CASK: variants seen among roughly 807,000 people sequenced by gnomAD.
The protein encoded by CASK is calcium/calmodulin dependent serine protein kinase.
Under a neutral mutation model 82.9 loss-of-function variants are expected in CASK, and 4 were observed. The observed-to-expected ratio is 0.05, with a 90% CI of 0.02 to 0.11. The LOEUF (loss-of-function observed/expected upper bound fraction) is 0.11, where lower values mean the gene tolerates loss of function less well. Among genes scored for constraint, CASK ranks in the 10% least tolerant of loss-of-function variants. The pLI is 1.00. For missense variants in CASK, 358 were observed against 720.9 expected, an observed-to-expected ratio of 0.50 and a Z score of 5.76; for synonymous variants, 259 against 253.5, an observed-to-expected ratio of 1.02 and a Z score of -0.20.
At chrX:41,843,838 T>C (rs2071095952) in intron 2 of CASK, among the ~76,000 whole-genome samples, 1 of 111,706 alleles carries the variant, frequency 9.0e-6, no homozygotes, top group Non-Finnish European at 1.9e-5. Flanking sequence ...GATTCATTCA[T>C]GTTGTAGCTT....
intron 5 of CASK, chrX:41,724,216 A>G (rs1390271841): frequency 8.9e-6 from 1 of 112,940 alleles, no homozygotes; most frequent in Non-Finnish European, 1.9e-5. Flanking sequence ...TGAAGATCAG[A>G]GAATTTTAAG....
At chrX:41,787,343 T>G (rs2069628379) in intron 2 of CASK, 60 bp from the exon 3 acceptor site, 1 of 661,646 alleles carries the variant, frequency 1.5e-6, no homozygotes, top group Non-Finnish European at 2.5e-6. Flanking sequence ...TTAGAGTGAA[T>G]GATGAATGAA....
intron 9 of CASK, among the ~76,000 whole-genome samples, chrX:41,632,113 G>A (rs938222153): frequency 4.5e-5 from 5 of 110,769 alleles, no homozygotes; most frequent in Non-Finnish European, 9.4e-5. Context: ...TATTTTTGTA[G>A]AGCCGGGGTC....
At chrX:41,526,130 T>C (rs761715277) in intron 25 of CASK, among the ~76,000 whole-genome samples, 5 of 112,000 alleles carry the variant, frequency 4.5e-5, no homozygotes, top group Admixed American at 3.8e-4. Flanking sequence ...CTTAGAAATA[T>C]CCTTTATGTC....
intron 4 of CASK, among the ~76,000 whole-genome samples, chrX:41,742,759 C>T (rs1169268225): frequency 2.7e-5 from 3 of 111,815 alleles, no homozygotes; most frequent in Non-Finnish European, 3.8e-5. Flanking sequence ...AGAATCTACG[C>T]GCCCTTGTTG....
At chrX:41,739,567 C>T in intron 4 of CASK, 111 bp from the exon 5 acceptor site, 1 of 526,413 alleles carries the variant, frequency 1.9e-6, no homozygotes, top group Non-Finnish European at 3.3e-6. Flanking sequence ...TCCATGGACA[C>T]ATTTGATTTG....
At chrX:41,734,172 C>T (rs760864864) in intron 5 of CASK, among the ~76,000 whole-genome samples, 2 of 112,042 alleles carry the variant, frequency 1.8e-5, no homozygotes, top group Non-Finnish European at 3.8e-5. Flanking sequence ...GGCACAGGCA[C>T]CATTCAGAAT....
chrX:41,837,572 T>A (rs2070950384), intron 2 of CASK, among the ~76,000 whole-genome samples: 1 of 112,273 alleles, frequency 8.9e-6, no homozygotes, highest in South Asian at 3.7e-4. Context: ...ACTTTGAAAC[T>A]TATATAAAGG....
intron 12 of CASK, among the ~76,000 whole-genome samples, chrX:41,600,947 C>T (rs974670491): frequency 9.0e-6 from 1 of 111,679 alleles, no homozygotes; most frequent in Admixed American, 9.5e-5. Flanking sequence ...ACACATGCTA[C>T]AACATGGATG....
chrX:41,628,966 T>G (rs915145874), intron 9 of CASK, among the ~76,000 whole-genome samples: 5 of 111,819 alleles, frequency 4.5e-5, no homozygotes, highest in African/African-American at 1.6e-4. Context: ...TTTCTTAAGA[T>G]GTTAGTTATA....
chrX:41,618,826 T>C (rs1602358473), intron 11 of CASK, among the ~76,000 whole-genome samples: 5 of 90,467 alleles, frequency 5.5e-5, no homozygotes, highest in Middle Eastern at 0.011. Context: ...GTCCAATTTC[T>C]TTTTTTTTTT....
chrX:41,610,174 T>A, intron 11 of CASK, 149 bp from the exon 12 acceptor site: 1 of 536,042 alleles, frequency 1.9e-6, no homozygotes, highest in Non-Finnish European at 3.1e-6. Flanking sequence ...CTTAAATGAG[T>A]TTCATATAAT....
At chrX:41,621,451 AGCCAGC>A (rs2066287291) in intron 11 of CASK, among the ~76,000 whole-genome samples, 1 of 112,110 alleles carries the variant, frequency 8.9e-6, no homozygotes, top group South Asian at 3.7e-4. Flanking sequence ...TGCTGTGAAC[AGCCAGC>A]CCTGTGAAGA....
intron 2 of CASK, among the ~76,000 whole-genome samples, chrX:41,805,249 G>A (rs925273121): frequency 9.0e-6 from 1 of 111,719 alleles, no homozygotes; most frequent in Non-Finnish European, 1.9e-5. Flanking sequence ...CTGACTTAGT[G>A]AACCTGGAAT....
chrX:41,879,600 AC>A (rs1278117394), intron 1 of CASK, among the ~76,000 whole-genome samples: 1 of 111,372 alleles, frequency 9.0e-6, no homozygotes, highest in Non-Finnish European at 1.9e-5. Context: ...ATTTATGATG[AC>A]TTTGTTACTT....
chrX:41,904,746 C>T (rs951425801), intron 1 of CASK, among the ~76,000 whole-genome samples: 1 of 111,506 alleles, frequency 9.0e-6, no homozygotes, highest in Admixed American at 9.5e-5. Context: ...GATCCTAATG[C>T]TCCACCCTCA....
intron 15 of CASK, chrX:41,570,843 T>C (rs1305199216): frequency 3.6e-5 from 4 of 112,030 alleles, no homozygotes; most frequent in Admixed American, 9.5e-5. Context: ...ACCCACTGAA[T>C]TGTTTCCTGG....
intron 16 of CASK, among the ~76,000 whole-genome samples, 155 bp downstream of exon 16, chrX:41,569,513 G>A (rs1007575752): frequency 6.3e-5 from 7 of 111,151 alleles, no homozygotes; most frequent in Admixed American, 9.6e-5. Context: ...AAGCTGAGAC[G>A]GGAGGATTGC....
chrX:41,897,697 G>T (rs1385713840), intron 1 of CASK, among the ~76,000 whole-genome samples: 1 of 111,167 alleles, frequency 9.0e-6, no homozygotes, highest in Non-Finnish European at 1.9e-5. Context: ...CTAAAGACCA[G>T]AGAAGTAAAT....
Sources: allele counts gnomAD v4.1 joint callset (sites outside exome capture counted in the v4.1 genomes callset), GRCh38; gene constraint gnomAD v4.1.1; transcripts MANE v1.5; gene names NCBI Gene and HGNC (gene_info 2026-07-23, HGNC 2026-07-21).